PRAMEF11: variants seen among roughly 807,000 people sequenced by gnomAD.
PRAMEF11 encodes the protein PRAME family member 11.
In PRAMEF11, 17 loss-of-function variants were observed where a neutral mutation model predicts 33.6. The ratio of observed to expected loss-of-function variants is 0.51; its 90% CI spans 0.35 to 0.76. The LOEUF (loss-of-function observed/expected upper bound fraction) is 0.76, where lower values mean the gene tolerates loss of function less well. PRAMEF11 is among the 30% of genes least tolerant of loss of function. PRAMEF11 has a pLI of 0.01. For synonymous variants in PRAMEF11, 205 were observed against 227.3 expected (o/e 0.90, Z 0.88); for missense variants, 568 against 567.0 (o/e 1.00, Z -0.02).
At chr1:12,825,906 G>A (rs1489342793) in intron 3 of PRAMEF11, among the ~76,000 whole-genome samples, 1 of 150,002 alleles carries the variant, frequency 6.7e-6, no homozygotes. Flanking sequence ...CCCAGGAGGT[G>A]TAGGTTGCAG....
Position 12,824,845 on chromosome 1 carries a change from G to C in PRAMEF11, c.*97C>G. The C allele has an allele frequency of 6.5e-7, 1 of 1,534,514 alleles. No homozygotes were observed. The highest frequency in any genetic ancestry group is 8.9e-7 in the Non-Finnish European group (1 of 1,125,040). On this transcript the variant is annotated 3_prime_UTR_variant, in exon 4 of 4. Transcript: ENST00000619922. The stretch of plus-strand genomic sequence containing the variant: ...TCAGAGCCCATGTGTGAAACGATGG[G>C]TTCTGTGCTCCCTTTAGGATGTACC...
intron 1 of PRAMEF11, among the ~76,000 whole-genome samples, chr1:12,831,058 TC>T (rs1275841721): frequency 6.7e-6 from 1 of 149,740 alleles, no homozygotes; most frequent in African/African-American, 2.5e-5. Context: ...CAGGTTGGTC[TC>T]AAACCCCTGG....
rs754424562 is a variant in PRAMEF11 at position 12,828,667 on chromosome 1, C to T, written c.123G>A (p.Leu41=). The change falls in exon 2 of 4, where the codon CTG becomes CTA. Residue 41 remains leucine (L), a synonymous_variant. Coordinates refer to ENST00000619922, the MANE Select transcript of PRAMEF11 (RefSeq NM_001146344.3). ...EELPTELFPP[L]FMEAFSRRRC... ...GTCTCCTGCTGAAGGCCTCCATGAA[C>T]AGTGGGGGGAAAAGTTCCGTGGGCA... The T allele has an allele frequency of 3.1e-6, 5 of 1,602,284 alleles. No homozygotes were observed. In the African/African-American group the frequency reaches 5.4e-5, roughly 17 times the overall value.
chr1:12,829,179 G>T (rs1411537261), intron 1 of PRAMEF11, among the ~76,000 whole-genome samples: 8 of 151,560 alleles, frequency 5.3e-5, no homozygotes, highest in African/African-American at 1.7e-4. Flanking sequence ...CACAATTTCA[G>T]TTCCTAAAAA....
chr1:12,827,056 T>A (rs1419223603), intron 3 of PRAMEF11, among the ~76,000 whole-genome samples, 193 bp downstream of exon 3: 2 of 151,136 alleles, frequency 1.3e-5, no homozygotes. Context: ...CCCTGACTGA[T>A]CCCTCTGACT....
Position 12,825,395 on chromosome 1 carries a change from C to T in PRAMEF11, c.984G>A (p.Leu328=). Reference sequence around the variant, plus strand: ...TGGTCAGTCTGATGCCACTCAGGTCCAGGGTCTTTAGTTGACTGATACTCG... The same window carrying T: ...TGGTCAGTCTGATGCCACTCAGGTCTAGGGTCTTTAGTTGACTGATACTCG... The part of the protein sequence containing the change: ...QCPSISQLKT[L]DLSGIRLTNY... Residue 328 remains leucine, a synonymous_variant, in exon 4 of 4, where the codon CTG becomes CTA. Transcript: ENST00000619922. 7.3e-7 allele frequency: 1 copy of T among 1,377,758 alleles called. No individual in the cohort carries two copies. Among genetic ancestry groups the T allele is most frequent in the Non-Finnish European group, 1.0e-6 (1 of 998,530 alleles). 85.3% of individuals were successfully genotyped at this position (1,377,758 alleles called of 1,614,324 possible).
At chr1:12,825,984 A>T (rs561616951) in intron 3 of PRAMEF11, among the ~76,000 whole-genome samples, 1 of 148,792 alleles carries the variant, frequency 6.7e-6, no homozygotes, top group Non-Finnish European at 1.5e-5. Context: ...AAAAAAAAAA[A>T]GGAGAAAAAA....
intron 1 of PRAMEF11, among the ~76,000 whole-genome samples, chr1:12,829,796 C>T (rs906872920): frequency 6.6e-6 from 1 of 150,956 alleles, no homozygotes; most frequent in Admixed American, 6.6e-5. Flanking sequence ...TCACTTGAAC[C>T]CAGGAGGCAG....
At chr1:12,829,737 G>A (rs939997606) in intron 1 of PRAMEF11, among the ~76,000 whole-genome samples, 2 of 150,890 alleles carry the variant, frequency 1.3e-5, no homozygotes, top group African/African-American at 4.9e-5. Context: ...GTGAGATGCA[G>A]TGGTCTCCGC....
intron 1 of PRAMEF11, among the ~76,000 whole-genome samples, chr1:12,829,788 A>T (rs1195026302): frequency 6.6e-6 from 1 of 150,746 alleles, no homozygotes; most frequent in African/African-American, 2.4e-5. Flanking sequence ...TAGGAGGATC[A>T]CTTGAACCCA....
intron 3 of PRAMEF11, among the ~76,000 whole-genome samples, 166 bp from the exon 4 acceptor site, chr1:12,825,669 C>T (rs1639848565): frequency 1.4e-5 from 2 of 143,850 alleles, no homozygotes; most frequent in Non-Finnish European, 1.5e-5. Context: ...AAGAGCTTTG[C>T]CACCGAGGTC....
In PRAMEF11 at chr1:12,827,621, C is replaced by A. The variant is rs376174298; in HGVS notation, c.503G>T (p.Cys168Phe). The A allele has an allele frequency of 6.2e-7, 1 of 1,608,690 alleles. No individual in the cohort carries two copies. The highest frequency in any genetic ancestry group is 1.1e-5 in the South Asian group (1 of 90,376). Residue 168 changes from cysteine to phenylalanine, a missense_variant, in exon 3 of 4, where the codon TGC becomes TTC. By Grantham distance (205) the Cys-to-Phe change is radical. Coordinates refer to ENST00000619922, the MANE Select transcript of PRAMEF11 (RefSeq NM_001146344.3). ...KNRTLDEYLT[C>F]LLLWVKQRRD... ...CCTCTGCTTGACCCATAGAAGGAGG[C>A]AGGTGAGGTATTCATCCAGAGTCCT...
chr1:12,827,877 G>T lies in PRAMEF11; in HGVS notation c.294-47C>A, dbSNP rs533429981. On this transcript the variant is annotated intron_variant, in intron 2 of 3. Transcript: ENST00000619922. Reference sequence around the variant, plus strand: ...ACTGAGAATTTAAGAACTCATTTCTGAACTTAAACTCCACATCCTGCATAG... The same window carrying T: ...ACTGAGAATTTAAGAACTCATTTCTTAACTTAAACTCCACATCCTGCATAG... 4.7e-4 allele frequency: 760 copies of T among 1,601,918 alleles called. 23 individuals are homozygous for T. Among genetic ancestry groups the T allele is most frequent in the Admixed American group, 8.9e-4 (53 of 59,668 alleles).
In PRAMEF11 at chr1:12,825,803, G is replaced by C. The variant is rs1736829; in HGVS notation, c.876-300C>G. 1.6e-3 allele frequency among the ~76,000 whole-genome samples: 239 copies of C among 148,886 alleles called. 2 individuals carry two copies. The highest frequency in any genetic ancestry group is 5.2e-3 in the East Asian group (26 of 4,998). The stretch of plus-strand genomic sequence containing the variant: ...AGCCTGCTGAACATGGCAAAACCTC[G>C]TCTCTACTAAAAATCCAAAAATTAG... On this transcript the variant is annotated intron_variant, in intron 3 of 3. Transcript: ENST00000619922.
chr1:12,825,845 G>A (rs1376382268), intron 3 of PRAMEF11, among the ~76,000 whole-genome samples: 1 of 150,606 alleles, frequency 6.6e-6, no homozygotes, highest in Non-Finnish European at 1.5e-5. Context: ...GTGGTGGCGG[G>A]AGCCTGCAAT....
intron 1 of PRAMEF11, among the ~76,000 whole-genome samples, chr1:12,829,335 T>C (rs1239528977): frequency 4.8e-5 from 7 of 145,326 alleles, no homozygotes; most frequent in Non-Finnish European, 9.1e-5. Context: ...TCCTCCTCTC[T>C]CTCCCTTCTT....
Position 12,825,125 on chromosome 1 carries a change from C to CGGG in PRAMEF11, c.1251_1253dup (p.Pro418dup), listed in dbSNP as rs760310640. 1.2e-6 allele frequency: 2 copies of CGGG among 1,609,444 alleles called. No individual in the cohort carries two copies. Among genetic ancestry groups the CGGG allele is most frequent in the Non-Finnish European group, 1.7e-6 (2 of 1,177,716 alleles). ...TACCATCAGCACCATAACTTTCCTG[C>CGGG]GGGGCAGGATACAGCTCCAGGCATA... On this transcript the variant is annotated inframe_insertion, in exon 4 of 4. Transcript: ENST00000619922.
chr1:12,827,460 T>C lies in PRAMEF11; in HGVS notation c.664A>G (p.Ile222Val), dbSNP rs757059836. The change falls in exon 3 of 4, where the codon ATC becomes GTC. Residue 222 changes from isoleucine (I) to valine (V), a missense_variant. Physicochemically the swap from Ile to Val is conservative, Grantham distance 29 (BLOSUM62 3). Around this residue, in one of 3 missense-constraint regions of PRAMEF11, gnomAD observed 342 missense variants for 312.0 expected, o/e 1.10. Coordinates refer to ENST00000619922, the MANE Select transcript of PRAMEF11 (RefSeq NM_001146344.3). ...AGGTATGGGGTAAACTGTGTCAGGA[T>C]GGGCAGTATCCACTTGCAATTCACT... ...VEVNCKWILPILTQFTPYLGH... is the reference protein window; with the variant it reads ...VEVNCKWILPVLTQFTPYLGH... 11 of 1,610,832 alleles carry C rather than the reference T, an allele frequency of 6.8e-6. No individual in the cohort carries two copies. The highest frequency in any genetic ancestry group is 1.7e-4 in the Middle Eastern group (1 of 5,998).
intron 3 of PRAMEF11, among the ~76,000 whole-genome samples, chr1:12,826,120 A>C (rs550300277): frequency 6.6e-6 from 1 of 150,970 alleles, no homozygotes; most frequent in African/African-American, 2.4e-5. Flanking sequence ...ACAGAAGCCC[A>C]GTGGAGATGC....
Sources: allele counts gnomAD v4.1 joint callset (sites outside exome capture counted in the v4.1 genomes callset), GRCh38; gene constraint gnomAD v4.1.1; regional missense constraint gnomAD v4.1.1; transcripts MANE v1.5; gene names NCBI Gene and HGNC (gene_info 2026-07-23, HGNC 2026-07-21).